The following CSMD1 variants were observed in gnomAD, a reference collection of about 807,000 sequenced individuals.
The protein encoded by CSMD1 is CUB and sushi domain-containing protein 1.
In CSMD1, 213 loss-of-function variants were observed where a neutral mutation model predicts 417.5. The observed-to-expected ratio is 0.51, with a 90% CI of 0.46 to 0.57. The LOEUF (loss-of-function observed/expected upper bound fraction) is 0.57, where lower values mean the gene tolerates loss of function less well. Among genes scored for constraint, CSMD1 ranks in the 20% least tolerant of loss-of-function variants. The probability of loss-of-function intolerance (pLI) is 0.00; values close to 1 mark genes in which losing one functional copy is unlikely to be tolerated. For missense variants in CSMD1, 6,923 were observed against 4,529.7 expected (o/e 1.53, Z -15.17); for synonymous variants, 2,862 against 1,736.8 (o/e 1.65, Z -16.11).
At chr8:3,204,579 A>C (rs1307565654) in intron 31 of CSMD1, among the ~76,000 whole-genome samples, 1 of 152,120 alleles carries the variant, frequency 6.6e-6, no homozygotes, top group Non-Finnish European at 1.5e-5. Flanking sequence ...CATTCGTAAG[A>C]GGCCCGGGAA....
At chr8:4,122,554 G>T (rs937120612) in intron 3 of CSMD1, among the ~76,000 whole-genome samples, 1 of 152,158 alleles carries the variant, frequency 6.6e-6, no homozygotes, top group Non-Finnish European at 1.5e-5. Context: ...GTCACCCCGT[G>T]CTTTCCCAAT....
chr8:4,545,009 T>C (rs1339817241), intron 2 of CSMD1, among the ~76,000 whole-genome samples: 2 of 152,250 alleles, frequency 1.3e-5, no homozygotes, highest in African/African-American at 4.8e-5. Context: ...TCTATATTTA[T>C]CACGCACGTA....
At position 3,348,663 on chromosome 8, in the gene CSMD1, G is replaced by GT. The variant is rs770006564; in HGVS notation, c.3305-503_3305-502insA. Among the ~76,000 whole-genome samples the GT allele has an allele frequency of 1.1e-3, 169 of 152,270 alleles. 1 individual carries two copies. Among genetic ancestry groups the GT allele is most frequent in the Non-Finnish European group, 2.0e-3 (137 of 68,032 alleles). ...GACCAAACCACTGAGTTATCTTCAG[G>GT]ATGTCACATCCCTGAATGCCTCAGC... is the stretch of plus-strand genomic sequence containing the variant. On this transcript the variant is annotated intron_variant, in intron 21 of 69. Transcript: ENST00000635120.
At chr8:4,912,381 C>G (rs1259074812) in intron 1 of CSMD1, among the ~76,000 whole-genome samples, 1 of 146,494 alleles carries the variant, frequency 6.8e-6, no homozygotes, top group African/African-American at 2.5e-5. Flanking sequence ...TTTTTCTTTT[C>G]ACAGGAAAAC....
At chr8:3,013,758 A>G (rs1808603468) in intron 52 of CSMD1, among the ~76,000 whole-genome samples, 1 of 152,076 alleles carries the variant, frequency 6.6e-6, no homozygotes, top group South Asian at 2.1e-4. Context: ...GAAAAAAAAA[A>G]AAAAAATTCC....
intron 49 of CSMD1, among the ~76,000 whole-genome samples, chr8:3,063,389 T>C (rs546310834): frequency 6.6e-6 from 1 of 152,348 alleles, no homozygotes; most frequent in South Asian, 2.1e-4. Flanking sequence ...AACCCTTGTG[T>C]ACTGTCAATA....
chr8:4,180,734 G>A (rs1798321060), intron 3 of CSMD1, among the ~76,000 whole-genome samples: 1 of 152,056 alleles, frequency 6.6e-6, no homozygotes, highest in South Asian at 2.1e-4. Flanking sequence ...ATGGAAACAT[G>A]GCACTAACTG....
chr8:4,158,159 C>A (rs530449313), intron 3 of CSMD1, among the ~76,000 whole-genome samples: 2 of 151,440 alleles, frequency 1.3e-5, no homozygotes, highest in East Asian at 3.9e-4. Flanking sequence ...TCCCTACGGC[C>A]TTCATCATTT....
intron 2 of CSMD1, among the ~76,000 whole-genome samples, chr8:4,542,110 C>A (rs1797415543): frequency 6.6e-6 from 1 of 152,010 alleles, no homozygotes; most frequent in Non-Finnish European, 1.5e-5. Context: ...CATTTCTGGA[C>A]AATGAACTCA....
intron 2 of CSMD1, among the ~76,000 whole-genome samples, chr8:4,534,605 T>C (rs1343198062): frequency 2.6e-5 from 4 of 152,126 alleles, no homozygotes; most frequent in African/African-American, 9.7e-5. Context: ...CCCATTCTAG[T>C]AGCCTGAAAT....
At chr8:4,834,319 A>G (rs1259993189) in intron 1 of CSMD1, among the ~76,000 whole-genome samples, 1 of 152,238 alleles carries the variant, frequency 6.6e-6, no homozygotes, top group Non-Finnish European at 1.5e-5. Flanking sequence ...GAACAGAAAA[A>G]CAGGTAAGAT....
intron 1 of CSMD1, among the ~76,000 whole-genome samples, chr8:4,883,304 A>T (rs994078020): frequency 6.6e-6 from 1 of 152,240 alleles, no homozygotes; most frequent in East Asian, 1.9e-4. Context: ...AGATAAATGT[A>T]TATAATACCT....
Position 4,141,284 on chromosome 8 carries a change from G to C in CSMD1, c.416-109185C>G, listed in dbSNP as rs368644178. On this transcript the variant is annotated intron_variant, in intron 3 of 69. Transcript: ENST00000635120. Reference sequence around the variant, plus strand: ...GAAATTCCAGCGACCTTCAGGTAGTGAAAAATCCGTAATTCCCAAGATGGA... The same window carrying C: ...GAAATTCCAGCGACCTTCAGGTAGTCAAAAATCCGTAATTCCCAAGATGGA... 5.5e-4 allele frequency among the ~76,000 whole-genome samples: 83 copies of C among 151,242 alleles called. 1 individual carries two copies. The South Asian group carries it at 0.016, about 30-fold the overall frequency.
chr8:4,119,154 C>T (rs992657615), intron 3 of CSMD1, among the ~76,000 whole-genome samples: 2 of 152,048 alleles, frequency 1.3e-5, no homozygotes, highest in Non-Finnish European at 2.9e-5. Context: ...GGGCTTAAAA[C>T]CTAGATGATG....
intron 5 of CSMD1, among the ~76,000 whole-genome samples, chr8:3,863,972 G>T (rs553874911): frequency 6.6e-6 from 1 of 152,208 alleles, no homozygotes; most frequent in African/African-American, 2.4e-5. Flanking sequence ...TTTTCCTGAG[G>T]CTGCAGTCTA....
intron 7 of CSMD1, among the ~76,000 whole-genome samples, chr8:3,690,600 G>A: frequency 6.6e-6 from 1 of 152,130 alleles, no homozygotes; most frequent in East Asian, 1.9e-4. Context: ...TGATTCAACG[G>A]TACTGTGATG....
intron 3 of CSMD1, among the ~76,000 whole-genome samples, chr8:4,228,366 C>T (rs1397660928): frequency 6.6e-6 from 1 of 152,112 alleles, no homozygotes; most frequent in Non-Finnish European, 1.5e-5. Flanking sequence ...TTCCAGTTTT[C>T]CTCTGAAACC....
intron 5 of CSMD1, among the ~76,000 whole-genome samples, chr8:3,937,947 TA>T (rs1481323118): frequency 1.3e-5 from 2 of 152,154 alleles, no homozygotes; most frequent in African/African-American, 2.4e-5. Flanking sequence ...TTTAGTTACA[TA>T]CTAACTTACG....
intron 8 of CSMD1, among the ~76,000 whole-genome samples, chr8:3,613,580 T>C (rs1320487991): frequency 3.9e-5 from 6 of 152,162 alleles, no homozygotes; most frequent in African/African-American, 1.4e-4. Flanking sequence ...TATTTCAGAA[T>C]ATGAGTTTTT....
Sources: allele counts gnomAD v4.1 joint callset (sites outside exome capture counted in the v4.1 genomes callset), GRCh38; gene constraint gnomAD v4.1.1; transcripts MANE v1.5; gene names NCBI Gene and HGNC (gene_info 2026-07-23, HGNC 2026-07-21).